Variants in FBXL4 observed in about 807,000 individuals in gnomAD.
The protein encoded by FBXL4 is F-box and leucine rich repeat protein 4, also known as F-box/LRR-repeat protein 4.
Under a neutral mutation model 58.9 loss-of-function variants are expected in FBXL4, and 40 were observed. That is an observed-to-expected ratio of 0.68 (90% CI 0.53 to 0.88). The LOEUF (loss-of-function observed/expected upper bound fraction) is 0.88, where lower values mean the gene tolerates loss of function less well. Ranked by LOEUF, FBXL4 falls within the 40% of genes least tolerant of loss-of-function variation. FBXL4 has a pLI of 0.00. For missense variants in FBXL4, 676 were observed against 734.4 expected (o/e 0.92, Z 0.92); for synonymous variants, 263 against 265.5 (o/e 0.99, Z 0.09).
chr6:98,919,509 G>C (rs1306267689), intron 4 of FBXL4, among the ~76,000 whole-genome samples: 1 of 152,068 alleles, frequency 6.6e-6, no homozygotes, highest in Non-Finnish European at 1.5e-5. Context: ...GAATAGAGCA[G>C]GCTGTGGCAG....
chr6:98,926,189 T>C (rs925210558), intron 4 of FBXL4, among the ~76,000 whole-genome samples: 4 of 152,188 alleles, frequency 2.6e-5, no homozygotes, highest in African/African-American at 9.7e-5. Context: ...CGTCCCAGAA[T>C]GGCCCATGTC....
intron 2 of FBXL4, among the ~76,000 whole-genome samples, chr6:98,928,984 C>T (rs1216252205): frequency 2.0e-5 from 3 of 152,100 alleles, no homozygotes; most frequent in African/African-American, 7.2e-5. Flanking sequence ...CTTAGTTCCA[C>T]TAGGGTTTAT....
At chr6:98,875,326 A>C (rs755695532) in intron 9 of FBXL4, 89 bp downstream of exon 9, 4 of 1,314,392 alleles carry the variant, frequency 3.0e-6, no homozygotes, top group Non-Finnish European at 4.3e-6. Flanking sequence ...TGTATCCAAA[A>C]ATTTTCTTTT....
Position 98,870,932 on chromosome 6 carries a change from A to G in FBXL4, c.*3346T>C, listed in dbSNP as rs541526365. Reference sequence around the variant, plus strand: ...CCCCATTTCTACTAAAAACATAAAAATTAGTTAGGTGTGGTGGCATGTGCC... The same window carrying G: ...CCCCATTTCTACTAAAAACATAAAAGTTAGTTAGGTGTGGTGGCATGTGCC... On this transcript the variant is annotated 3_prime_UTR_variant, in exon 10 of 10. Coordinates refer to ENST00000369244, the MANE Select transcript of FBXL4 (RefSeq NM_001278716.2). 1 of 152,228 alleles carries G rather than the reference A, an allele frequency of 6.6e-6. No homozygotes were observed. Among genetic ancestry groups the G allele is most frequent in the South Asian group, 2.1e-4 (1 of 4,824 alleles). 9.4% of individuals were successfully genotyped at this position (152,228 alleles called of 1,614,324 possible). A position where few individuals can be genotyped will look rare whatever the true frequency, so the allele number is the denominator to read the frequency against.
chr6:98,890,474 G>A (rs948875289), intron 7 of FBXL4, among the ~76,000 whole-genome samples: 1 of 152,128 alleles, frequency 6.6e-6, no homozygotes, highest in Non-Finnish European at 1.5e-5. Context: ...TCATAAATTT[G>A]CATAACAAAT....
Position 98,873,080 on chromosome 6 carries a change from G to T in FBXL4, c.*1198C>A, listed in dbSNP as rs1770535165. On this transcript the variant is annotated 3_prime_UTR_variant, in exon 10 of 10. Transcript: ENST00000369244. ...AGAAAATATTTTGTGGCATGAAAAG[G>T]CACAGCTGTTTTGAACACAAAACTA... 6.6e-6 allele frequency: 1 copy of T among 151,758 alleles called. No individual in the cohort carries two copies. Among genetic ancestry groups the T allele is most frequent in the Admixed American group, 6.6e-5 (1 of 15,222 alleles). 9.4% of individuals were successfully genotyped at this position (151,758 alleles called of 1,614,324 possible).
rs1253335524 is a variant in FBXL4 at position 98,870,231 on chromosome 6, C to A, written c.*4047G>T. The A allele has an allele frequency of 6.6e-6, 1 of 152,140 alleles. No individual in the cohort carries two copies. Among genetic ancestry groups the A allele is most frequent in the Non-Finnish European group, 1.5e-5 (1 of 68,026 alleles). The allele number at this position is 152,140 out of a possible 1,614,324, so 9.4% of individuals were successfully genotyped here. A position where few individuals can be genotyped will look rare whatever the true frequency, so the allele number is the denominator to read the frequency against. ...GTTTATAAAATTAGGAATGGGCAAA[C>A]ATGGATTAACTGACTCGAAAATACT... On this transcript the variant is annotated 3_prime_UTR_variant, in exon 10 of 10. Coordinates refer to ENST00000369244, the MANE Select transcript of FBXL4 (RefSeq NM_001278716.2).
At chr6:98,927,481 C>G (rs1334509021) in intron 3 of FBXL4, among the ~76,000 whole-genome samples, 1 of 152,180 alleles carries the variant, frequency 6.6e-6, no homozygotes, top group Non-Finnish European at 1.5e-5. Context: ...AAATTCCCTA[C>G]TGTTAATTAT....
At chr6:98,916,587 A>G (rs1772360245) in intron 5 of FBXL4, among the ~76,000 whole-genome samples, 2 of 152,182 alleles carry the variant, frequency 1.3e-5, no homozygotes, top group African/African-American at 4.8e-5. Context: ...CAAACACCGC[A>G]TGTTCTCACT....
At chr6:98,941,232 A>C (rs949927915) in intron 1 of FBXL4, among the ~76,000 whole-genome samples, 1 of 152,150 alleles carries the variant, frequency 6.6e-6, no homozygotes, top group African/African-American at 2.4e-5. Flanking sequence ...CTCAGGAAAA[A>C]AAAAAAGAAA....
intron 5 of FBXL4, among the ~76,000 whole-genome samples, chr6:98,910,052 AAATACAC>A: frequency 6.6e-6 from 1 of 152,350 alleles, no homozygotes; most frequent in East Asian, 1.9e-4. Flanking sequence ...ATGAAATCTG[AAATACAC>A]ATCAATTTGG....
rs976578169 is a variant in FBXL4, at chr6:98,870,632, C to T, written c.*3646G>A. On this transcript the variant is annotated 3_prime_UTR_variant, in exon 10 of 10. Transcript: ENST00000369244. ...CACAATATTTTTAAATTTTTTATTA[C>T]TAGTGCTTACCCATAACATCAAAAC... The T allele has an allele frequency of 1.1e-4, 17 of 152,114 alleles. No homozygotes were observed. The highest frequency in any genetic ancestry group is 4.1e-4 in the African/African-American group (17 of 41,424). The allele number at this position is 152,114 out of a possible 1,614,324, so 9.4% of individuals were successfully genotyped here. A position where few individuals can be genotyped will look rare whatever the true frequency, so the allele number is the denominator to read the frequency against.
rs533781800 is a variant in FBXL4 at position 98,940,219 on chromosome 6, T to C, written c.-308-5340A>G. Among the ~76,000 whole-genome samples, 260 of 152,324 alleles carry C rather than the reference T, an allele frequency of 1.7e-3. 1 individual carries two copies. The highest frequency in any genetic ancestry group is 6.1e-3 in the African/African-American group (252 of 41,580). On this transcript the variant is annotated intron_variant, in intron 1 of 9. Coordinates refer to ENST00000369244, the MANE Select transcript of FBXL4 (RefSeq NM_001278716.2). ...TTTTGATATTTCTAGGCTACACAATTTGCAAGTTTTTCAAATTGTTGCAAA... is the reference window on the plus strand; with the variant it reads ...TTTTGATATTTCTAGGCTACACAATCTGCAAGTTTTTCAAATTGTTGCAAA...
chr6:98,937,923 A>T (rs1270698176), intron 1 of FBXL4, among the ~76,000 whole-genome samples: 1 of 152,112 alleles, frequency 6.6e-6, no homozygotes, highest in African/African-American at 2.4e-5. Context: ...GCACTAATTC[A>T]GAAACACTCG....
intron 7 of FBXL4, among the ~76,000 whole-genome samples, chr6:98,891,228 T>C (rs575203615): frequency 6.6e-6 from 1 of 152,298 alleles, no homozygotes; most frequent in Non-Finnish European, 1.5e-5. Flanking sequence ...CTAAATATCA[T>C]AAATTGCAAA....
At chr6:98,900,483 T>TG (rs1771564640) in intron 6 of FBXL4, among the ~76,000 whole-genome samples, 1 of 152,326 alleles carries the variant, frequency 6.6e-6, no homozygotes, top group South Asian at 2.1e-4. Context: ...GGTTAAAAGA[T>TG]GGAGTTTTTT....
intron 1 of FBXL4, among the ~76,000 whole-genome samples, chr6:98,942,430 G>A (rs980861509): frequency 2.0e-5 from 3 of 152,132 alleles, no homozygotes; most frequent in Non-Finnish European, 4.4e-5. Context: ...CCTGGAAGGT[G>A]ATTGGATCAT....
At chr6:98,940,251 A>C (rs1241798667) in intron 1 of FBXL4, among the ~76,000 whole-genome samples, 1 of 152,156 alleles carries the variant, frequency 6.6e-6, no homozygotes, top group Non-Finnish European at 1.5e-5. Context: ...CAAATCTCCA[A>C]AATTTTTCTA....
chr6:98,909,845 C>T (rs930706716), intron 5 of FBXL4, among the ~76,000 whole-genome samples: 2 of 152,176 alleles, frequency 1.3e-5, no homozygotes, highest in Non-Finnish European at 2.9e-5. Context: ...GGGTGGGATC[C>T]TGGTCCCATG....
Sources: allele counts gnomAD v4.1 joint callset (sites outside exome capture counted in the v4.1 genomes callset), GRCh38; gene constraint gnomAD v4.1.1; transcripts MANE v1.5; gene names NCBI Gene and HGNC (gene_info 2026-07-23, HGNC 2026-07-21).